Variants in LPIN2 observed in about 807,000 individuals in gnomAD.
The protein encoded by LPIN2 is lipin 2.
LPIN2 carries 55 observed loss-of-function variants against 111.4 expected under a neutral mutation model. The observed-to-expected ratio is 0.49, with a 90% confidence interval of 0.40 to 0.62. The LOEUF (loss-of-function observed/expected upper bound fraction) is 0.62. Ranked by LOEUF, LPIN2 falls within the 20% of genes least tolerant of loss-of-function variation. The pLI, the probability that LPIN2 is intolerant of heterozygous loss-of-function variation, is 0.00. For synonymous variants in LPIN2, 425 were observed against 414.0 expected (o/e 1.03, Z -0.32); for missense variants, 992 against 1,112.1 (o/e 0.89, Z 1.54).
At chr18:2,999,033 T>C (rs1194338709) in intron 1 of LPIN2, among the ~76,000 whole-genome samples, 1 of 152,236 alleles carries the variant, frequency 6.6e-6, no homozygotes, top group East Asian at 1.9e-4. Flanking sequence ...TGATCATTAG[T>C]GAAGATAGGT....
chr18:3,006,097 C>G (rs2078511303), intron 1 of LPIN2, among the ~76,000 whole-genome samples: 2 of 152,114 alleles, frequency 1.3e-5, no homozygotes, highest in Non-Finnish European at 1.5e-5. Context: ...GTACTTTGTA[C>G]AGTGGTTGTG....
At chr18:2,923,979 G>T in intron 15 of LPIN2, 118 bp from the exon 16 acceptor site, 1 of 832,836 alleles carries the variant, frequency 1.2e-6, no homozygotes, top group Non-Finnish European at 2.0e-6. Flanking sequence ...CTTGAAAGGG[G>T]ATTTAATCAC....
intron 4 of LPIN2, chr18:2,945,442 A>G: frequency 1.5e-6 from 1 of 653,280 alleles, no homozygotes; most frequent in East Asian, 2.7e-5. Flanking sequence ...GAAATGCCAC[A>G]TTCAGTAACA....
intron 6 of LPIN2, among the ~76,000 whole-genome samples, chr18:2,938,298 C>CAGAT (rs2077319203): frequency 6.6e-6 from 1 of 151,780 alleles, no homozygotes; most frequent in African/African-American, 2.4e-5. Context: ...CCAAGGTGGG[C>CAGAT]AGATCACTTG....
At chr18:2,980,965 G>A (rs1410149921) in intron 1 of LPIN2, among the ~76,000 whole-genome samples, 2 of 152,144 alleles carry the variant, frequency 1.3e-5, no homozygotes, top group Admixed American at 6.6e-5. Flanking sequence ...AAATAATTTA[G>A]CTTTTTCCTT....
intron 3 of LPIN2, 124 bp from the exon 4 acceptor site, chr18:2,951,480 G>A: frequency 1.2e-6 from 1 of 854,238 alleles, no homozygotes; most frequent in South Asian, 1.6e-5. Context: ...TTCCCTAAAG[G>A]CAAGAAAGTC....
intron 1 of LPIN2, among the ~76,000 whole-genome samples, chr18:2,992,177 C>T (rs1682913922): frequency 6.6e-6 from 1 of 152,088 alleles, no homozygotes; most frequent in South Asian, 2.1e-4. Flanking sequence ...ACACAACTGT[C>T]CATCAACAGA....
At position 2,926,794 on chromosome 18, in the gene LPIN2, G is replaced by C; in HGVS notation, c.1722C>G (p.Ser574=). The stretch of plus-strand genomic sequence containing the variant: ...GCGGTGCCTCAGATTTTCCCTCCTT[G>C]GATTCTGGCAGCTGTAACAGCAAGA... ...RESMTKQLPE[S]KEGKSEAPPA... is the part of the protein sequence containing the mutation. The change falls in exon 13 of 20, where the codon TCC becomes TCG. Residue 574 remains serine (S), a synonymous_variant. Coordinates refer to ENST00000677752, the MANE Select transcript of LPIN2 (RefSeq NM_001375808.2). 6.2e-7 allele frequency: 1 copy of C among 1,613,714 alleles called. No homozygotes were observed. The highest frequency in any genetic ancestry group is 8.5e-7 in the Non-Finnish European group (1 of 1,179,950).
intron 9 of LPIN2, 98 bp from the exon 10 acceptor site, chr18:2,929,256 C>A (rs1182036708): frequency 2.4e-6 from 2 of 839,564 alleles, no homozygotes; most frequent in Non-Finnish European, 1.9e-6. Context: ...AGGCTAAAAT[C>A]ATCTGTCTAA....
chr18:3,001,771 T>G (rs1272354036), intron 1 of LPIN2, among the ~76,000 whole-genome samples: 2 of 152,164 alleles, frequency 1.3e-5, no homozygotes, highest in African/African-American at 4.8e-5. Context: ...TACTATGTAC[T>G]TAAATGTTTA....
At chr18:2,957,150 T>C (rs1352001207) in intron 2 of LPIN2, among the ~76,000 whole-genome samples, 1 of 152,224 alleles carries the variant, frequency 6.6e-6, no homozygotes, top group African/African-American at 2.4e-5. Flanking sequence ...ATGAAACTGG[T>C]ATCTCTGAGA....
At chr18:3,003,505 A>G (rs2078464215) in intron 1 of LPIN2, among the ~76,000 whole-genome samples, 1 of 152,236 alleles carries the variant, frequency 6.6e-6, no homozygotes, top group Non-Finnish European at 1.5e-5. Context: ...TGAAGATTTC[A>G]TGGACATTTA....
chr18:2,922,480 T>C (rs930637986), intron 16 of LPIN2, among the ~76,000 whole-genome samples: 4 of 152,108 alleles, frequency 2.6e-5, no homozygotes, highest in Non-Finnish European at 5.9e-5. Context: ...TTTCACCATG[T>C]TGGCTAGATT....
At chr18:2,923,642 G>A in intron 16 of LPIN2, 133 bp downstream of exon 16, 1 of 813,080 alleles carries the variant, frequency 1.2e-6, no homozygotes, top group African/African-American at 1.7e-5. Flanking sequence ...AACAGGAAAG[G>A]AGTGAGGAAG....
At chr18:2,954,388 G>T (rs548417434) in intron 3 of LPIN2, 116 bp downstream of exon 3, 2 of 739,120 alleles carry the variant, frequency 2.7e-6, no homozygotes, top group Non-Finnish European at 4.8e-6. Context: ...AGCTTGTCTT[G>T]CCAACAACAG....
intron 2 of LPIN2, among the ~76,000 whole-genome samples, chr18:2,957,775 G>T (rs181492557): frequency 2.0e-5 from 3 of 152,294 alleles, no homozygotes; most frequent in Admixed American, 1.3e-4. Flanking sequence ...CTGACAGCAA[G>T]CTTTTTTGCC....
intron 13 of LPIN2, among the ~76,000 whole-genome samples, chr18:2,926,183 C>T (rs1008695816): frequency 6.6e-6 from 1 of 152,024 alleles, no homozygotes; most frequent in African/African-American, 2.4e-5. Context: ...GGATGGGGGG[C>T]GGTAAGGGGC....
chr18:2,937,183 G>A (rs1392541970), intron 7 of LPIN2, among the ~76,000 whole-genome samples: 2 of 152,138 alleles, frequency 1.3e-5, no homozygotes, highest in Non-Finnish European at 2.9e-5. Flanking sequence ...AGAGACAGCA[G>A]TGTGCAAGTC....
intron 1 of LPIN2, chr18:2,991,023 A>G: frequency 1.8e-6 from 1 of 568,726 alleles, no homozygotes; most frequent in Admixed American, 1.9e-5. Flanking sequence ...CAATGATGAG[A>G]CCTCTTGCTT....
Sources: gnomAD v4.1 joint callset for allele counts (sites outside exome capture counted in the v4.1 genomes callset) on GRCh38, gnomAD v4.1.1 for gene constraint, MANE v1.5 for transcripts, NCBI Gene and HGNC (gene_info 2026-07-23, HGNC 2026-07-21) for gene names.